The following CHD6 variants were observed in gnomAD, a reference collection of about 807,000 sequenced individuals.
CHD6 encodes the protein chromodomain helicase DNA binding protein 6, also known as ATP-dependent chromatin remodeler CHD6.
Under a neutral mutation model 276.9 loss-of-function variants are expected in CHD6, and 50 were observed. The ratio of observed to expected loss-of-function variants is 0.18; its 90% CI spans 0.14 to 0.23. CHD6 has a LOEUF of 0.23. Ranked by LOEUF, CHD6 falls within the 10% of genes least tolerant of loss-of-function variation. CHD6 has a pLI of 1.00. For missense variants in CHD6, 2,564 were observed against 3,365.8 expected, an observed-to-expected ratio of 0.76 and a Z score of 5.89; for synonymous variants, 1,173 against 1,229.3, an observed-to-expected ratio of 0.95 and a Z score of 0.96.
At chr20:41,509,362 T>C (rs2044057351) in intron 5 of CHD6, among the ~76,000 whole-genome samples, 1 of 152,158 alleles carries the variant, frequency 6.6e-6, no homozygotes, top group Non-Finnish European at 1.5e-5. Flanking sequence ...ATACAAATCC[T>C]ACACTAACAT....
intron 5 of CHD6, among the ~76,000 whole-genome samples, chr20:41,505,949 G>A (rs142905673): frequency 6.6e-6 from 1 of 152,082 alleles, no homozygotes; most frequent in African/African-American, 2.4e-5. Flanking sequence ...CTGAGTTAGA[G>A]TAAATTATCC....
chr20:41,566,502 C>T (rs1464512091), intron 1 of CHD6, among the ~76,000 whole-genome samples: 2 of 152,158 alleles, frequency 1.3e-5, no homozygotes, highest in Non-Finnish European at 1.5e-5. Flanking sequence ...CCCCAAGTTC[C>T]CTTCCCCACT....
chr20:41,441,237 A>G (rs1260920514), intron 25 of CHD6, among the ~76,000 whole-genome samples: 2 of 152,178 alleles, frequency 1.3e-5, no homozygotes, highest in Admixed American at 6.5e-5. Flanking sequence ...GCTCATCATT[A>G]TATAGTCAGT....
At chr20:41,529,269 C>A (rs1051780138) in intron 3 of CHD6, among the ~76,000 whole-genome samples, 1 of 152,146 alleles carries the variant, frequency 6.6e-6, no homozygotes, top group African/African-American at 2.4e-5. Context: ...TCCATTTATT[C>A]TTGGTATATA....
In CHD6 at chr20:41,405,188, A is replaced by T; in HGVS notation, c.7553T>A (p.Leu2518Gln). ...GEEVKSTLSM[L>Q]PMMLPGMAAV... ...AGCCATGCCTGGCAGCATCATGGGC[A>T]GCATGCTCAGGGTACTTTTGACCTC... Residue 2518 changes from leucine (L) to glutamine (Q), a missense_variant, in exon 37 of 37, where the codon CTG becomes CAG. Around this residue, in one of 7 missense-constraint regions of CHD6, gnomAD observed 238 missense variants for 266.0 expected, o/e 0.89. Transcript: ENST00000373233. 1 of 1,614,218 alleles carries T rather than the reference A, an allele frequency of 6.2e-7. No homozygotes were observed. The highest frequency in any genetic ancestry group is 8.5e-7 in the Non-Finnish European group (1 of 1,180,038).
chr20:41,484,671 C>A, intron 14 of CHD6, 64 bp from the exon 15 acceptor site: 2 of 1,520,516 alleles, frequency 1.3e-6, no homozygotes, highest in Non-Finnish European at 1.8e-6. Context: ...CTGGGGTATT[C>A]CAACCTTCAC....
intron 17 of CHD6, among the ~76,000 whole-genome samples, chr20:41,462,495 G>A (rs2042824922): frequency 6.6e-6 from 1 of 152,180 alleles, no homozygotes; most frequent in South Asian, 2.1e-4. Flanking sequence ...TAGCAATCCT[G>A]AAACTACTTT....
intron 3 of CHD6, among the ~76,000 whole-genome samples, chr20:41,515,549 C>T (rs1249777323): frequency 6.6e-6 from 1 of 152,178 alleles, no homozygotes; most frequent in Admixed American, 6.5e-5. Flanking sequence ...AAGATGGCAA[C>T]ATTTTCTCTA....
intron 1 of CHD6, among the ~76,000 whole-genome samples, chr20:41,615,282 C>T (rs2035357059): frequency 6.7e-6 from 1 of 148,224 alleles, no homozygotes; most frequent in South Asian, 2.1e-4. Context: ...GAGTACTGGA[C>T]AAACACCAGG....
chr20:41,540,220 T>C (rs1405351849), intron 2 of CHD6, among the ~76,000 whole-genome samples: 1 of 152,206 alleles, frequency 6.6e-6, no homozygotes, highest in Non-Finnish European at 1.5e-5. Context: ...AACAGTTATC[T>C]ACAATTTGGA....
intron 2 of CHD6, among the ~76,000 whole-genome samples, chr20:41,543,787 C>A (rs186250034): frequency 3.3e-5 from 5 of 152,242 alleles, no homozygotes; most frequent in Admixed American, 6.5e-5. Context: ...AAAATGAGAA[C>A]GTTTTATTCT....
chr20:41,582,133 A>G (rs2045547257), intron 1 of CHD6, among the ~76,000 whole-genome samples: 1 of 152,116 alleles, frequency 6.6e-6, no homozygotes, highest in Non-Finnish European at 1.5e-5. Flanking sequence ...ACTCAATTCA[A>G]TTACTTAAAA....
chr20:41,591,031 T>C (rs1170822843), intron 1 of CHD6, among the ~76,000 whole-genome samples: 1 of 151,428 alleles, frequency 6.6e-6, no homozygotes, highest in Non-Finnish European at 1.5e-5. Context: ...TATGCAGCCA[T>C]AAAAAAATGA....
At chr20:41,406,138 T>TGCC (rs2046667795) in intron 36 of CHD6, among the ~76,000 whole-genome samples, 1 of 152,196 alleles carries the variant, frequency 6.6e-6, no homozygotes, top group African/African-American at 2.4e-5. Flanking sequence ...ATTGTGTGTA[T>TGCC]GCCCCACTCC....
At chr20:41,427,846 T>G (rs897493152) in intron 27 of CHD6, among the ~76,000 whole-genome samples, 3 of 152,276 alleles carry the variant, frequency 2.0e-5, no homozygotes, top group African/African-American at 7.2e-5. Flanking sequence ...CCTTATATAA[T>G]TTCCTGCCAG....
In CHD6 at chr20:41,451,015, G is replaced by C. The variant is rs41278126; in HGVS notation, c.3614C>G (p.Ala1205Gly). The C allele has an allele frequency of 0.038, 61,678 of 1,613,846 alleles. 1,394 individuals carry two copies. The highest frequency in any genetic ancestry group is 0.044 in the Non-Finnish European group (51,568 of 1,179,724). ...IPELKDADWLATCNPEVVLHD... is the reference protein window; with the variant it reads ...IPELKDADWLGTCNPEVVLHD... ...CAAGACCACCTCGGGGTTGCAGGTG[G>C]CTAGCCAATCTGCATCCTTTAGCTC... Residue 1205 changes from alanine (A) to glycine (G), a missense_variant, in exon 23 of 37, where the codon GCC (alanine) becomes GGC (glycine). Ala to Gly is a moderately conservative substitution (Grantham distance 60, BLOSUM62 0). This residue lies in a region of CHD6 where 515 missense variants were observed against 739.5 expected (regional missense o/e 0.70). Coordinates refer to ENST00000373233, the MANE Select transcript of CHD6 (RefSeq NM_032221.5).
intron 19 of CHD6, among the ~76,000 whole-genome samples, chr20:41,455,536 A>G (rs73611277): frequency 0.023 from 3,443 of 152,330 alleles, 47 homozygotes; most frequent in South Asian, 0.042. Flanking sequence ...AACAGAGCCA[A>G]CTGAGAATAG....
intron 8 of CHD6, among the ~76,000 whole-genome samples, chr20:41,495,189 T>C (rs2145881525): frequency 6.6e-6 from 1 of 152,254 alleles, no homozygotes; most frequent in South Asian, 2.1e-4. Flanking sequence ...ATAGTCAAGA[T>C]TACGGAAACA....
chr20:41,435,773 G>A (rs1258141966), intron 27 of CHD6, among the ~76,000 whole-genome samples: 1 of 152,072 alleles, frequency 6.6e-6, no homozygotes, highest in East Asian at 1.9e-4. Flanking sequence ...ACATTTATAT[G>A]GAAAGGCAAA....
Sources: allele counts gnomAD v4.1 joint callset (sites outside exome capture counted in the v4.1 genomes callset), GRCh38; gene constraint gnomAD v4.1.1; regional missense constraint gnomAD v4.1.1; transcripts MANE v1.5; gene names NCBI Gene and HGNC (gene_info 2026-07-23, HGNC 2026-07-21).